The following CCDC15 variants were observed in gnomAD, a reference collection of about 807,000 sequenced individuals.
CCDC15 encodes coiled-coil domain containing 15.
CCDC15 carries 105 observed loss-of-function variants against 114.5 expected under a neutral mutation model. The observed-to-expected ratio is 0.92, with a 90% CI of 0.78 to 1.08. CCDC15 has a LOEUF of 1.08. Among genes scored for constraint, CCDC15 ranks in the 50% least tolerant of loss-of-function variants. The pLI is 0.00. For missense variants in CCDC15, 1,105 were observed against 1,093.6 expected, an observed-to-expected ratio of 1.01 and a Z score of -0.15; for synonymous variants, 334 against 377.8, an observed-to-expected ratio of 0.88 and a Z score of 1.34.
At chr11:125,014,489 G>A (rs558515145) in intron 13 of CCDC15, among the ~76,000 whole-genome samples, 2 of 152,280 alleles carry the variant, frequency 1.3e-5, no homozygotes, top group South Asian at 4.1e-4. Flanking sequence ...ATTGATTAAT[G>A]TGCTCAGGTA....
chr11:125,032,737 C>G (rs886767983), intron 13 of CCDC15, among the ~76,000 whole-genome samples: 5 of 152,224 alleles, frequency 3.3e-5, no homozygotes, highest in African/African-American at 1.2e-4. Flanking sequence ...CTGAGTATGT[C>G]TATGCCAATT....
At chr11:125,009,145 TG>T (rs1948572024) in intron 13 of CCDC15, among the ~76,000 whole-genome samples, 1 of 150,854 alleles carries the variant, frequency 6.6e-6, no homozygotes, top group Non-Finnish European at 1.5e-5. Context: ...GGGAATCACT[TG>T]AACACGGGGG....
At chr11:125,038,107 A>G (rs979884853) in intron 13 of CCDC15, 6 of 158,800 alleles carry the variant, frequency 3.8e-5, no homozygotes, top group African/African-American at 1.4e-4. Context: ...TTTAGTAGAG[A>G]TGGGTTTTCA....
Position 124,959,272 on chromosome 11 carries a change from C to A in CCDC15, c.327+8C>A, listed in dbSNP as rs972875380. 6.4e-7 allele frequency: 1 copy of A among 1,561,216 alleles called. No individual in the cohort carries two copies. The highest frequency in any genetic ancestry group is 1.3e-5 in the South Asian group (1 of 79,904). On this transcript the variant is annotated splice_region_variant and intron_variant, in intron 3 of 15. Transcript: ENST00000344762. ...CAGAAGTCTTATGAAAGAGTAAGTTCAAAAGTGAGCCTGAGTAAAGATTGA... is the reference window on the plus strand; with the variant it reads ...CAGAAGTCTTATGAAAGAGTAAGTTAAAAAGTGAGCCTGAGTAAAGATTGA...
At chr11:124,982,833 G>A (rs188810224) in intron 6 of CCDC15, among the ~76,000 whole-genome samples, 304 of 152,210 alleles carry the variant, frequency 2.0e-3, no homozygotes, top group Admixed American at 4.8e-3. Context: ...TTGAATGTTG[G>A]CCTCTCTAGC....
At chr11:124,966,088 G>A (rs911733858) in intron 4 of CCDC15, among the ~76,000 whole-genome samples, 1 of 152,152 alleles carries the variant, frequency 6.6e-6, no homozygotes, top group Middle Eastern at 3.2e-3. Flanking sequence ...GAATAAGTGC[G>A]ATGTGGTGCT....
At position 125,038,456 on chromosome 11, in the gene CCDC15, T is replaced by C. The variant is rs7107487; in HGVS notation, c.2437T>C (p.Cys813Arg). 0.16 allele frequency: 249,047 copies of C among 1,535,772 alleles called. 22,316 individuals are homozygous for C. Among genetic ancestry groups the C allele is most frequent in the African/African-American group, 0.34 (24,340 of 71,590 alleles). ...AATTAAGAAAAAGAGAGAGCAAGAA[T>C]GTTATGCTGCAGAGCAGAGGATCCT... is the stretch of plus-strand genomic sequence containing the variant. The part of the protein sequence containing the change: ...EKIKKKREQE[C>R]YAAEQRILRM... Residue 813 changes from cysteine to arginine, a missense_variant, in exon 14 of 16, where the codon TGT becomes CGT. Cys to Arg is a radical substitution (Grantham distance 180). Transcript: ENST00000344762.
At chr11:125,025,452 TCTCTC>T (rs2135538393) in intron 13 of CCDC15, among the ~76,000 whole-genome samples, 1 of 152,016 alleles carries the variant, frequency 6.6e-6, no homozygotes, top group South Asian at 2.1e-4. Flanking sequence ...TGGGATGTGT[TCTCTC>T]CTCTTCAGTT....
chr11:125,005,304 C>T (rs979988931), intron 13 of CCDC15, 92 bp downstream of exon 13: 6 of 538,544 alleles, frequency 1.1e-5, no homozygotes, highest in Non-Finnish European at 1.3e-5. Flanking sequence ...GTTTTGCCCT[C>T]TGATCCATAT....
chr11:124,987,834 C>G lies in CCDC15; in HGVS notation c.1608C>G (p.Asp536Glu). The change falls in exon 8 of 16, where the codon GAC (aspartate) becomes GAG (glutamate). Residue 536 changes from aspartate to glutamate, a missense_variant. Physicochemically the swap from Asp to Glu is conservative, Grantham distance 45 (BLOSUM62 2). Transcript: ENST00000344762. ...AAGGCCAGGATTTTCTACCTAAAGA[C>G]CAGGACTTTTTATCTAGAGACCAGC... Reference protein sequence around the residue: ...KYQGQDFLPKDQDFLSRDQHV... With the variant: ...KYQGQDFLPKEQDFLSRDQHV... 3 of 1,605,502 alleles carry G rather than the reference C, an allele frequency of 1.9e-6. No homozygotes were observed. The highest frequency in any genetic ancestry group is 2.6e-6 in the Non-Finnish European group (3 of 1,173,662).
At chr11:125,037,374 G>A (rs1162966991) in intron 13 of CCDC15, 1 of 152,190 alleles carries the variant, frequency 6.6e-6, no homozygotes, top group Non-Finnish European at 1.5e-5. Context: ...TCTAGTCACT[G>A]TTCTCTTTTA....
In CCDC15 at chr11:124,954,902, C is replaced by T. The variant is rs1947521859; in HGVS notation, c.170C>T (p.Pro57Leu). 6.2e-7 allele frequency: 1 copy of T among 1,613,960 alleles called. No individual in the cohort carries two copies. Among genetic ancestry groups the T allele is most frequent in the African/African-American group, 1.3e-5 (1 of 75,068 alleles). The change falls in exon 2 of 16, where the codon CCA becomes CTA. Residue 57 changes from proline to leucine, a missense_variant. By Grantham distance (98) the Pro-to-Leu change is moderately conservative. Transcript: ENST00000344762. ...GCCTCACCAGGTAGTTCGGAAATCCCAGCATATGTGAGTGTCAGTTTGATC... is the reference window on the plus strand; with the variant it reads ...GCCTCACCAGGTAGTTCGGAAATCCTAGCATATGTGAGTGTCAGTTTGATC... ...EPASPGSSEI[P>L]AYTSAYLIEE...
intron 13 of CCDC15, among the ~76,000 whole-genome samples, chr11:125,021,392 A>AT (rs1236165495): frequency 6.6e-6 from 1 of 151,752 alleles, no homozygotes; most frequent in East Asian, 1.9e-4. Context: ...CTATTTAGAC[A>AT]TTTTTTCTAA....
At position 125,009,627 on chromosome 11, in the gene CCDC15, T is replaced by C. The variant is rs368533355; in HGVS notation, c.2411+4415T>C. 7.9e-5 allele frequency among the ~76,000 whole-genome samples: 12 copies of C among 152,260 alleles called. No individual in the cohort carries two copies. In the East Asian group the frequency reaches 2.3e-3, roughly 29 times the overall value. On this transcript the variant is annotated intron_variant, in intron 13 of 15. Coordinates refer to ENST00000344762, the MANE Select transcript of CCDC15 (RefSeq NM_025004.3). ...CTCAGATAGTAAGTATAGTACCCAA[T>C]AGGTAATTTTCAGCCTTTTCTCCTC...
chr11:124,982,868 G>A (rs940548610), intron 6 of CCDC15, among the ~76,000 whole-genome samples: 1 of 152,170 alleles, frequency 6.6e-6, no homozygotes, highest in Non-Finnish European at 1.5e-5. Context: ...TTTCATGGAT[G>A]ATATGAAAAT....
rs541581901 is a variant in CCDC15 at position 125,035,341 on chromosome 11, C to G, written c.2412-3090C>G. Among the ~76,000 whole-genome samples the G allele has an allele frequency of 8.6e-5, 13 of 152,000 alleles. No individual in the cohort carries two copies. The South Asian group carries it at 2.7e-3, about 32-fold the overall frequency. On this transcript the variant is annotated intron_variant, in intron 13 of 15. Coordinates refer to ENST00000344762, the MANE Select transcript of CCDC15 (RefSeq NM_025004.3). ...TAACCATCACAATGACCTTCTTTGT[C>G]TTTTTTTATAGTTTTTGTCTTGAAA...
chr11:124,991,574 C>A lies in CCDC15; in HGVS notation c.2022C>A (p.Ile674=), dbSNP rs1948269716. The A allele has an allele frequency of 5.0e-6, 8 of 1,602,964 alleles. No homozygotes were observed. The highest frequency in any genetic ancestry group is 6.0e-6 in the Non-Finnish European group (7 of 1,174,162). The stretch of plus-strand genomic sequence containing the variant: ...CCAAATCCCAGGACCAGGATGACAT[C>A]AAAAATCAGGTAGAGTAGAAGAAAA... ...LPPKSQDQDD[I]KNQQPASFMR... Residue 674 remains isoleucine, a synonymous_variant, in exon 9 of 16, where the codon ATC becomes ATA. Coordinates refer to ENST00000344762, the MANE Select transcript of CCDC15 (RefSeq NM_025004.3).
At chr11:124,979,890 G>C (rs1204255783) in intron 6 of CCDC15, among the ~76,000 whole-genome samples, 9 of 152,124 alleles carry the variant, frequency 5.9e-5, no homozygotes, top group Admixed American at 2.6e-4. Flanking sequence ...TCAGTATGAT[G>C]TTGGCTCTGG....
chr11:125,025,097 A>AAT (rs199920199), intron 13 of CCDC15, among the ~76,000 whole-genome samples: 2,389 of 124,288 alleles, frequency 0.019, 134 homozygotes, highest in African/African-American at 0.066. Flanking sequence ...TATATATATG[A>AAT]ATATATATGA....
Sources: gnomAD v4.1 joint callset for allele counts (sites outside exome capture counted in the v4.1 genomes callset) on GRCh38, gnomAD v4.1.1 for gene constraint, MANE v1.5 for transcripts, NCBI Gene and HGNC (gene_info 2026-07-23, HGNC 2026-07-21) for gene names.